Variants in MALRD1 observed in about 807,000 individuals in gnomAD.
MALRD1 encodes MAM and LDL-receptor class A domain-containing protein 1.
Under a neutral mutation model 242.1 loss-of-function variants are expected in MALRD1, and 247 were observed. That is an observed-to-expected ratio of 1.02 (90% CI 0.92 to 1.13). The LOEUF (loss-of-function observed/expected upper bound fraction) is 1.13, where lower values mean the gene tolerates loss of function less well. Ranked by LOEUF, MALRD1 falls within the 50% of genes most tolerant of loss-of-function variation. The pLI is 0.00. For missense variants in MALRD1, 2,989 were observed against 2,533.1 expected, an observed-to-expected ratio of 1.18 and a Z score of -3.86; for synonymous variants, 995 against 866.6, an observed-to-expected ratio of 1.15 and a Z score of -2.60.
intron 8 of MALRD1, among the ~76,000 whole-genome samples, chr10:19,130,728 A>G (rs1833066939): frequency 6.6e-6 from 1 of 152,138 alleles, no homozygotes; most frequent in South Asian, 2.1e-4. Flanking sequence ...GAATGTATGT[A>G]TTTAGTATGT....
At chr10:19,616,894 A>G (rs1379972251) in intron 36 of MALRD1, among the ~76,000 whole-genome samples, 1 of 152,028 alleles carries the variant, frequency 6.6e-6, no homozygotes, top group African/African-American at 2.4e-5. Context: ...AATACTTTAC[A>G]TAATTTATTT....
At chr10:19,382,894 T>G (rs934474206) in intron 26 of MALRD1, among the ~76,000 whole-genome samples, 2 of 152,196 alleles carry the variant, frequency 1.3e-5, no homozygotes, top group Non-Finnish European at 2.9e-5. Flanking sequence ...GTATACTCTT[T>G]CTTTAGTAGA....
At position 19,453,842 on chromosome 10, in the gene MALRD1, G is replaced by A. The variant is rs770025851; in HGVS notation, c.5029+3352G>A. Among the ~76,000 whole-genome samples the A allele has an allele frequency of 8.6e-5, 13 of 151,388 alleles. No homozygotes were observed. The East Asian group carries it at 1.2e-3, about 14-fold the overall frequency. ...CAGTGAGCCGAGATCGCACCACTGC[G>A]TTCCAGCTAGGGTGATGGAGCAAGA... On this transcript the variant is annotated intron_variant, in intron 29 of 39. Transcript: ENST00000454679.
At chr10:19,704,061 T>C (rs1833744707) in intron 38 of MALRD1, among the ~76,000 whole-genome samples, 1 of 152,196 alleles carries the variant, frequency 6.6e-6, no homozygotes, top group African/African-American at 2.4e-5. Flanking sequence ...CTATTCAGCA[T>C]TGGGGCATAT....
chr10:19,462,938 G>C (rs763844250), intron 29 of MALRD1, among the ~76,000 whole-genome samples: 15 of 152,126 alleles, frequency 9.9e-5, no homozygotes, highest in Non-Finnish European at 1.8e-4. Flanking sequence ...CACATACCTG[G>C]TGTCTTTTAA....
chr10:19,621,828 T>A (rs1407314910), intron 36 of MALRD1, among the ~76,000 whole-genome samples: 1 of 151,750 alleles, frequency 6.6e-6, no homozygotes, highest in Admixed American at 6.6e-5. Context: ...TTTCATGGCC[T>A]CTAGGAAAAG....
At chr10:19,150,009 C>T in intron 11 of MALRD1, among the ~76,000 whole-genome samples, 1 of 152,182 alleles carries the variant, frequency 6.6e-6, no homozygotes, top group East Asian at 1.9e-4. Flanking sequence ...CTGGCTTCAG[C>T]CACAATTCCT....
chr10:19,507,586 A>C (rs1222854529), intron 31 of MALRD1, among the ~76,000 whole-genome samples: 1 of 152,184 alleles, frequency 6.6e-6, no homozygotes, highest in Non-Finnish European at 1.5e-5. Flanking sequence ...ATGATACATA[A>C]ATTCTTCTTT....
At chr10:19,673,936 C>T (rs370114696) in intron 36 of MALRD1, among the ~76,000 whole-genome samples, 1 of 151,712 alleles carries the variant, frequency 6.6e-6, no homozygotes, top group African/African-American at 2.4e-5. Flanking sequence ...TATCTGGGTG[C>T]ATGTGTGTGT....
intron 21 of MALRD1, among the ~76,000 whole-genome samples, chr10:19,292,423 ATTTG>A (rs1410494449): frequency 6.6e-6 from 1 of 152,094 alleles, no homozygotes; most frequent in East Asian, 1.9e-4. Context: ...TTGAGAAGCT[ATTTG>A]TTTGAATATA....
intron 18 of MALRD1, among the ~76,000 whole-genome samples, chr10:19,235,846 T>C (rs371052829): frequency 8.6e-5 from 13 of 152,012 alleles, no homozygotes; most frequent in African/African-American, 2.9e-4. Context: ...GGGGGAAAGA[T>C]GAGTTGTTTT....
intron 2 of MALRD1, among the ~76,000 whole-genome samples, chr10:19,078,107 A>G (rs1246189626): frequency 1.3e-5 from 2 of 151,674 alleles, no homozygotes. Flanking sequence ...TATCATTAGG[A>G]TTTAAATTTT....
chr10:19,580,240 C>T (rs138021773), intron 33 of MALRD1, among the ~76,000 whole-genome samples: 1 of 152,148 alleles, frequency 6.6e-6, no homozygotes, highest in Non-Finnish European at 1.5e-5. Context: ...TATGCAATTT[C>T]AGCCATTTGC....
intron 36 of MALRD1, among the ~76,000 whole-genome samples, chr10:19,637,333 G>C (rs1176244390): frequency 6.6e-6 from 1 of 152,156 alleles, no homozygotes; most frequent in Non-Finnish European, 1.5e-5. Context: ...CTACTTATTT[G>C]ATAAGACTTG....
chr10:19,520,399 T>C (rs1368252306), intron 31 of MALRD1, among the ~76,000 whole-genome samples: 1 of 152,168 alleles, frequency 6.6e-6, no homozygotes, highest in African/African-American at 2.4e-5. Flanking sequence ...CTGTCCTTCT[T>C]AGTTACTCTA....
intron 32 of MALRD1, among the ~76,000 whole-genome samples, chr10:19,539,684 T>A (rs916362665): frequency 6.6e-6 from 1 of 151,908 alleles, no homozygotes; most frequent in East Asian, 1.9e-4. Context: ...CTGCTTTGTT[T>A]TTTTATTTTT....
intron 28 of MALRD1, among the ~76,000 whole-genome samples, chr10:19,432,487 C>T (rs1350311995): frequency 6.6e-6 from 1 of 152,072 alleles, no homozygotes; most frequent in East Asian, 1.9e-4. Context: ...CATGAAATGC[C>T]TTAATTCATT....
At chr10:19,537,260 G>T (rs1172710103) in intron 32 of MALRD1, among the ~76,000 whole-genome samples, 1 of 152,174 alleles carries the variant, frequency 6.6e-6, no homozygotes, top group African/African-American at 2.4e-5. Flanking sequence ...ATATGGAAAA[G>T]GGCTGGAATC....
intron 32 of MALRD1, among the ~76,000 whole-genome samples, chr10:19,540,299 C>G (rs1288060573): frequency 6.6e-6 from 1 of 151,944 alleles, no homozygotes; most frequent in Non-Finnish European, 1.5e-5. Flanking sequence ...AGAGTCTTAC[C>G]CCAACTCAGC....
Sources: gnomAD v4.1 joint callset for allele counts (sites outside exome capture counted in the v4.1 genomes callset) on GRCh38, gnomAD v4.1.1 for gene constraint, MANE v1.5 for transcripts, NCBI Gene and HGNC (gene_info 2026-07-23, HGNC 2026-07-21) for gene names.